Variants in ZFHX3 observed in about 807,000 individuals in gnomAD.
ZFHX3 encodes the protein zinc finger homeobox protein 3.
Under a neutral mutation model 279.1 loss-of-function variants are expected in ZFHX3, and 42 were observed. That is an observed-to-expected ratio of 0.15 (90% CI 0.12 to 0.19). The LOEUF (loss-of-function observed/expected upper bound fraction) is 0.19. ZFHX3 is among the 10% of genes least tolerant of loss of function. The probability of loss-of-function intolerance (pLI) is 1.00; values close to 1 mark genes in which losing one functional copy is unlikely to be tolerated. For synonymous variants in ZFHX3, 2,293 were observed against 1,957.8 expected, an observed-to-expected ratio of 1.17 and a Z score of -4.52; for missense variants, 4,981 against 4,754.0, an observed-to-expected ratio of 1.05 and a Z score of -1.40.
At chr16:73,205,238 G>A (rs1783294663) in intron 5 of ZFHX3, among the ~76,000 whole-genome samples, 1 of 152,070 alleles carries the variant, frequency 6.6e-6, no homozygotes. Context: ...GATCTCACAG[G>A]GTTGTTACTA....
chr16:73,427,415 G>A (rs373574671), intron 3 of ZFHX3, among the ~76,000 whole-genome samples: 17 of 151,986 alleles, frequency 1.1e-4, no homozygotes, highest in African/African-American at 2.9e-4. Context: ...TGTGTGTATC[G>A]GCAGCCTGCC....
chr16:73,507,485 C>CTTTTTTTTTTTTTTTT (rs752001880), intron 2 of ZFHX3, among the ~76,000 whole-genome samples: 7 of 79,790 alleles, frequency 8.8e-5, no homozygotes, highest in East Asian at 5.8e-4. Flanking sequence ...AGCTCTGCCA[C>CTTTTTTTTTTTTTTTT]TTTTTTTTTT....
intron 3 of ZFHX3, among the ~76,000 whole-genome samples, chr16:72,918,248 T>A (rs2039491314): frequency 6.6e-6 from 1 of 151,956 alleles, no homozygotes; most frequent in African/African-American, 2.4e-5. Flanking sequence ...GGTAAGGGGT[T>A]TGGAAACCAT....
At chr16:73,235,819 C>T (rs537359768) in intron 5 of ZFHX3, among the ~76,000 whole-genome samples, 14 of 151,922 alleles carry the variant, frequency 9.2e-5, no homozygotes, top group African/African-American at 1.5e-4. Context: ...TATAGGCATG[C>T]GCCACCACGC....
intron 1 of ZFHX3, among the ~76,000 whole-genome samples, chr16:73,698,302 A>C (rs1385530821): frequency 1.3e-5 from 2 of 152,248 alleles, no homozygotes; most frequent in Admixed American, 1.3e-4. Context: ...TATTTTCAGA[A>C]GAATTCCAAT....
chr16:73,835,447 T>A (rs892097378), intron 1 of ZFHX3, among the ~76,000 whole-genome samples: 1 of 122,028 alleles, frequency 8.2e-6, no homozygotes, highest in African/African-American at 3.0e-5. Flanking sequence ...TCCTCCACCA[T>A]CCCTCTTCTG....
At chr16:73,027,677 A>G (rs1964561606) in intron 1 of ZFHX3, among the ~76,000 whole-genome samples, 3 of 152,160 alleles carry the variant, frequency 2.0e-5, no homozygotes, top group African/African-American at 7.2e-5. Context: ...CCCACCACCA[A>G]GAAGGAATTT....
At chr16:73,439,869 CT>C in intron 3 of ZFHX3, among the ~76,000 whole-genome samples, 1 of 144,018 alleles carries the variant, frequency 6.9e-6, no homozygotes, top group African/African-American at 2.7e-5. Context: ...AAAGAGGCCC[CT>C]GGCAGCTGAC....
chr16:72,966,738 G>C (rs1478494568), intron 1 of ZFHX3, among the ~76,000 whole-genome samples: 1 of 152,256 alleles, frequency 6.6e-6, no homozygotes, highest in Non-Finnish European at 1.5e-5. Flanking sequence ...AACCCTGCCT[G>C]CCACAGGCAA....
chr16:73,690,794 T>C (rs984978487), intron 1 of ZFHX3, among the ~76,000 whole-genome samples: 21 of 152,240 alleles, frequency 1.4e-4, no homozygotes, highest in Non-Finnish European at 1.8e-4. Context: ...CAGCCATCCC[T>C]AGTGCCAGAC....
intron 4 of ZFHX3, among the ~76,000 whole-genome samples, chr16:73,287,022 G>A (rs1175558375): frequency 2.7e-5 from 4 of 149,660 alleles, no homozygotes; most frequent in Non-Finnish European, 5.9e-5. Context: ...GGGTTTGTAT[G>A]TGGCTGTGTG....
chr16:72,806,256 G>A (rs1381133814), intron 7 of ZFHX3, among the ~76,000 whole-genome samples: 1 of 152,174 alleles, frequency 6.6e-6, no homozygotes, highest in African/African-American at 2.4e-5. Flanking sequence ...TAACATTCAT[G>A]TAGGCTGGAA....
At chr16:73,133,538 A>T (rs1417040695) in intron 6 of ZFHX3, among the ~76,000 whole-genome samples, 1 of 152,148 alleles carries the variant, frequency 6.6e-6, no homozygotes, top group Non-Finnish European at 1.5e-5. Flanking sequence ...TAAGAAGAGG[A>T]GATTCGGACA....
At chr16:73,283,012 G>C (rs1307083778) in intron 4 of ZFHX3, among the ~76,000 whole-genome samples, 1 of 152,188 alleles carries the variant, frequency 6.6e-6, no homozygotes, top group Non-Finnish European at 1.5e-5. Context: ...ATCTCAGACA[G>C]AGAAGTCAAA....
intron 1 of ZFHX3, among the ~76,000 whole-genome samples, chr16:73,713,046 G>A (rs2053379813): frequency 6.6e-6 from 1 of 152,148 alleles, no homozygotes; most frequent in South Asian, 2.1e-4. Context: ...ACCTGGAGTG[G>A]AATTAGACAC....
chr16:73,496,445 C>T (rs2019143263), intron 2 of ZFHX3, among the ~76,000 whole-genome samples: 1 of 152,144 alleles, frequency 6.6e-6, no homozygotes, highest in Admixed American at 6.6e-5. Flanking sequence ...GCAGGAGAAT[C>T]GCTTGAACTG....
At chr16:73,119,214 C>T (rs560519031) in intron 7 of ZFHX3, among the ~76,000 whole-genome samples, 288 of 152,288 alleles carry the variant, frequency 1.9e-3, no homozygotes, top group Non-Finnish European at 3.1e-3. Flanking sequence ...AGTGATCCTC[C>T]TGCCTCAGCC....
intron 2 of ZFHX3, among the ~76,000 whole-genome samples, chr16:73,489,800 G>GT (rs946778108): frequency 1.3e-4 from 20 of 151,056 alleles, no homozygotes; most frequent in African/African-American, 2.2e-4. Context: ...TCTCTGATAG[G>GT]TTTTTTTTTC....
intron 1 of ZFHX3, among the ~76,000 whole-genome samples, chr16:73,766,750 G>A (rs528303040): frequency 2.6e-5 from 4 of 152,106 alleles, no homozygotes; most frequent in East Asian, 3.9e-4. Context: ...AAGTGACATG[G>A]GTCCCCAGGA....
Sources: gnomAD v4.1 joint callset for allele counts (sites outside exome capture counted in the v4.1 genomes callset) on GRCh38, gnomAD v4.1.1 for gene constraint, MANE v1.5 for transcripts, NCBI Gene and HGNC (gene_info 2026-07-23, HGNC 2026-07-21) for gene names.